Variants in ZMYM1 observed in about 807,000 individuals in gnomAD.
ZMYM1 encodes the protein zinc finger MYM-type containing 1, also known as zinc finger MYM-type protein 1.
A neutral mutation model predicts 60.0 loss-of-function variants in ZMYM1; 39 were observed. The ratio of observed to expected loss-of-function variants is 0.65; its 90% confidence interval spans 0.50 to 0.85. The LOEUF (loss-of-function observed/expected upper bound fraction) is 0.85, where lower values mean the gene tolerates loss of function less well. Ranked by LOEUF, ZMYM1 falls within the 40% of genes least tolerant of loss-of-function variation. The pLI, the probability that ZMYM1 is intolerant of heterozygous loss-of-function variation, is 0.00. For missense variants in ZMYM1, 1,171 were observed against 1,309.5 expected (o/e 0.89, Z 1.63); for synonymous variants, 413 against 454.0 (o/e 0.91, Z 1.15).
At position 35,072,201 on chromosome 1, in the gene ZMYM1, G is replaced by A. The variant is rs569074212; in HGVS notation, c.-300-6793G>A. Among the ~76,000 whole-genome samples the A allele has an allele frequency of 3.2e-4, 48 of 152,226 alleles. No homozygotes were observed. In the South Asian group the frequency reaches 8.9e-3, roughly 28 times the overall value. ...GTCCTGGATGTGTTTATGTTTTGGA[G>A]TTTTTTTGATGGCAGACTTTTTATT... On this transcript the variant is annotated intron_variant, in intron 1 of 10. Transcript: ENST00000417119.
chr1:35,103,657 T>A (rs1643770629), intron 4 of ZMYM1, among the ~76,000 whole-genome samples: 2 of 152,180 alleles, frequency 1.3e-5, no homozygotes, highest in Admixed American at 1.3e-4. Context: ...GTTTTCAGTT[T>A]TTTTGGGTGT....
chr1:35,071,244 T>C (rs1407312121), intron 1 of ZMYM1, among the ~76,000 whole-genome samples: 1 of 152,110 alleles, frequency 6.6e-6, no homozygotes, highest in Admixed American at 6.6e-5. Context: ...CATACTTGCA[T>C]CCCTAGGATG....
intron 4 of ZMYM1, among the ~76,000 whole-genome samples, chr1:35,102,208 T>C (rs538810370): frequency 6.6e-6 from 1 of 151,990 alleles, no homozygotes; most frequent in African/African-American, 2.4e-5. Flanking sequence ...GGGTGTTCTT[T>C]GATACTACAA....
chr1:35,094,721 C>T (rs1464241494), intron 2 of ZMYM1, among the ~76,000 whole-genome samples: 3 of 152,036 alleles, frequency 2.0e-5, no homozygotes, highest in Non-Finnish European at 2.9e-5. Flanking sequence ...TAGTGGTGCA[C>T]GCCTGTAGTC....
rs952483084 is a variant in ZMYM1 at position 35,111,789 on chromosome 1, G to A, written c.979G>A (p.Val327Met). 6.3e-7 allele frequency: 1 copy of A among 1,598,186 alleles called. No individual in the cohort carries two copies. Among genetic ancestry groups the A allele is most frequent in the Non-Finnish European group, 8.5e-7 (1 of 1,171,978 alleles). ...ESSSVSVVSV[V>M]HDTSTELLSP... ...GTTGTCAGTAAGTGTTGTTTCTGTG[G>A]TGCATGATACTTCAACAGAGCTTCT... Residue 327 changes from valine (V) to methionine (M), a missense_variant, in exon 8 of 10, where the codon GTG becomes ATG. Coordinates refer to ENST00000359858, the MANE Select transcript of ZMYM1 (RefSeq NM_024772.5).
chr1:35,111,832 C>A lies in ZMYM1; in HGVS notation c.1022C>A (p.Thr341Lys). Residue 341 changes from threonine (T) to lysine (K), a missense_variant, in exon 8 of 10, where the codon ACG becomes AAG. By Grantham distance (78) the Thr-to-Lys change is moderately conservative. Transcript: ENST00000359858. ...GAGCTTCTTTCTCCAAAGAAAGATA[C>A]GACTCCAGTTATAAGCAATATAGTG... ...STELLSPKKDTTPVISNIVSL... is the reference protein window; with the variant it reads ...STELLSPKKDKTPVISNIVSL... 4.4e-6 allele frequency: 7 copies of A among 1,608,266 alleles called. No homozygotes were observed. Among genetic ancestry groups the A allele is most frequent in the Non-Finnish European group, 4.3e-6 (5 of 1,176,116 alleles).
At chr1:35,073,809 G>A (rs1429652611) in intron 1 of ZMYM1, among the ~76,000 whole-genome samples, 1 of 152,094 alleles carries the variant, frequency 6.6e-6, no homozygotes, top group African/African-American at 2.4e-5. Context: ...GTGATGATGT[G>A]TTTCCATGTT....
intron 1 of ZMYM1, among the ~76,000 whole-genome samples, chr1:35,092,190 T>C (rs1569921820): frequency 1.3e-5 from 2 of 152,196 alleles, no homozygotes; most frequent in Admixed American, 1.3e-4. Flanking sequence ...CCTCCCAAAG[T>C]GCTGGGATTA....
chr1:35,067,450 GC>G (rs1641990786), intron 1 of ZMYM1, among the ~76,000 whole-genome samples: 1 of 151,854 alleles, frequency 6.6e-6, no homozygotes, highest in African/African-American at 2.4e-5. Flanking sequence ...ACCATGCCTG[GC>G]TAATTTTTTT....
intron 1 of ZMYM1, among the ~76,000 whole-genome samples, chr1:35,081,728 C>T (rs1032473841): frequency 3.3e-5 from 5 of 152,188 alleles, no homozygotes; most frequent in African/African-American, 1.2e-4. Context: ...CGGAGTCGCA[C>T]TGTGTCACCC....
intron 4 of ZMYM1, among the ~76,000 whole-genome samples, chr1:35,101,790 A>T (rs1643672764): frequency 6.6e-6 from 1 of 151,916 alleles, no homozygotes; most frequent in Non-Finnish European, 1.5e-5. Flanking sequence ...ACCTCAAGTG[A>T]TCTGCCCACC....
intron 1 of ZMYM1, among the ~76,000 whole-genome samples, chr1:35,070,411 C>T (rs936287754): frequency 1.3e-5 from 2 of 152,054 alleles, no homozygotes; most frequent in Admixed American, 6.6e-5. Context: ...AGAAACACTG[C>T]TGATTTTTCT....
chr1:35,083,851 G>A (rs1427115160), intron 1 of ZMYM1, among the ~76,000 whole-genome samples: 1 of 152,136 alleles, frequency 6.6e-6, no homozygotes, highest in African/African-American at 2.4e-5. Flanking sequence ...TCGAACTCCT[G>A]GGCTCAAACT....
chr1:35,086,197 A>C (rs1285209524), intron 1 of ZMYM1, among the ~76,000 whole-genome samples: 1 of 152,224 alleles, frequency 6.6e-6, no homozygotes, highest in Non-Finnish European at 1.5e-5. Context: ...CATTTCTTCA[A>C]GTCATATTTA....
At chr1:35,067,002 AG>A (rs1357599180) in intron 1 of ZMYM1, among the ~76,000 whole-genome samples, 2 of 152,096 alleles carry the variant, frequency 1.3e-5, no homozygotes, top group Admixed American at 6.5e-5. Context: ...ATTTTGAGAC[AG>A]GGGCTCACTC....
chr1:35,061,887 T>G (rs1484255464), intron 1 of ZMYM1, among the ~76,000 whole-genome samples: 1 of 151,740 alleles, frequency 6.6e-6, no homozygotes, highest in Non-Finnish European at 1.5e-5. Flanking sequence ...TGGAGTGCAG[T>G]GGCATGATCT....
rs1644225697 is a variant in ZMYM1 at position 35,115,130 on chromosome 1, C to G, written c.3300C>G (p.Thr1100=). The G allele has an allele frequency of 6.8e-6, 11 of 1,613,946 alleles. No individual in the cohort carries two copies. The highest frequency in any genetic ancestry group is 8.5e-6 in the Non-Finnish European group (10 of 1,179,992). The change falls in exon 10 of 10, where the codon ACC becomes ACG. Residue 1100 remains threonine (T), a synonymous_variant. Transcript: ENST00000359858. ...GTCTTAAGACATATTTATGTAATAC[C>G]ATGGGACAAGAGAAGCTTACTGGCC... ...LPRLKTYLCN[T]MGQEKLTGPA... is the part of the protein sequence containing the mutation.
Position 35,093,982 on chromosome 1 carries a change from A to G in ZMYM1, c.-6A>G, listed in dbSNP as rs774607510. ...ACTGGAGAATTCCTTTGCATCAGATACTAAAATGAAAGAACCACTTTTAGG... is the reference window on the plus strand; with the variant it reads ...ACTGGAGAATTCCTTTGCATCAGATGCTAAAATGAAAGAACCACTTTTAGG... On this transcript the variant is annotated 5_prime_UTR_variant, in exon 2 of 10. In the 5' UTR this introduces an upstream ATG that the reference lacks. Transcript: ENST00000359858. 7 of 1,591,348 alleles carry G rather than the reference A, an allele frequency of 4.4e-6. No individual in the cohort carries two copies. Among genetic ancestry groups the G allele is most frequent in the East Asian group, 2.3e-5 (1 of 43,882 alleles).
At chr1:35,118,143 A>C (rs1274818663), downstream of ZMYM1, among the ~76,000 whole-genome samples, 1 of 151,758 alleles carries the variant, frequency 6.6e-6, no homozygotes, top group Non-Finnish European at 1.5e-5. Flanking sequence ...CAGGAGGCTA[A>C]GGCAGGAGAA....
Sources: gnomAD v4.1 joint callset for allele counts (sites outside exome capture counted in the v4.1 genomes callset) on GRCh38, gnomAD v4.1.1 for gene constraint, MANE v1.5 for transcripts, NCBI Gene and HGNC (gene_info 2026-07-23, HGNC 2026-07-21) for gene names.